Variants in SCN11A observed in about 807,000 individuals in gnomAD.
SCN11A encodes the protein sodium channel protein type 11 subunit alpha.
In SCN11A, 122 loss-of-function variants were observed where a neutral mutation model predicts 162.2. That is an observed-to-expected ratio of 0.75 (90% CI 0.65 to 0.87). SCN11A has a LOEUF of 0.87. SCN11A is among the 40% of genes least tolerant of loss of function. SCN11A has a pLI of 0.00. For missense variants in SCN11A, 2,015 were observed against 2,181.6 expected (o/e 0.92, Z 1.52); for synonymous variants, 758 against 751.5 (o/e 1.01, Z -0.14).
At chr3:38,939,771 C>T (rs1305949714) in intron 7 of SCN11A, among the ~76,000 whole-genome samples, 19 of 151,966 alleles carry the variant, frequency 1.3e-4, no homozygotes, top group African/African-American at 3.9e-4. Context: ...GGTGTGGTGG[C>T]GCATGCCTGT....
At chr3:39,041,370 G>T (rs1226930740) in intron 1 of SCN11A, among the ~76,000 whole-genome samples, 1 of 152,026 alleles carries the variant, frequency 6.6e-6, no homozygotes, top group Non-Finnish European at 1.5e-5. Flanking sequence ...TTCAAATATA[G>T]TCAACCCAAA....
At chr3:38,883,732 C>A (rs532716417) in intron 21 of SCN11A, among the ~76,000 whole-genome samples, 1 of 152,314 alleles carries the variant, frequency 6.6e-6, no homozygotes, top group East Asian at 1.9e-4. Flanking sequence ...TGGAGTAGAG[C>A]CATGTTGCCC....
intron 2 of SCN11A, among the ~76,000 whole-genome samples, chr3:38,986,639 T>G (rs1230760314): frequency 6.6e-6 from 1 of 151,784 alleles, no homozygotes; most frequent in Non-Finnish European, 1.5e-5. Flanking sequence ...TGTGTGTGTG[T>G]TGTTGTTGTT....
At chr3:38,873,736 T>C (rs1276138070) in intron 23 of SCN11A, among the ~76,000 whole-genome samples, 1 of 152,178 alleles carries the variant, frequency 6.6e-6, no homozygotes, top group Non-Finnish European at 1.5e-5. Flanking sequence ...GTGAGACACA[T>C]AGAAACACCC....
chr3:38,878,030 G>A (rs2065248132), intron 23 of SCN11A, among the ~76,000 whole-genome samples: 1 of 151,706 alleles, frequency 6.6e-6, no homozygotes, highest in South Asian at 2.1e-4. Context: ...GGGGAAATGA[G>A]GGTGTGAGGG....
At chr3:38,937,302 A>G in intron 7 of SCN11A, among the ~76,000 whole-genome samples, 2 of 149,820 alleles carry the variant, frequency 1.3e-5, no homozygotes, top group African/African-American at 4.9e-5. Flanking sequence ...CATTCAGGAC[A>G]TAGGCATGGG....
At chr3:39,046,023 G>T (rs1173658399) in intron 1 of SCN11A, among the ~76,000 whole-genome samples, 1 of 152,198 alleles carries the variant, frequency 6.6e-6, no homozygotes, top group East Asian at 1.9e-4. Flanking sequence ...ACTTTGGGGG[G>T]CCTAAGCAGG....
chr3:39,010,590 G>A lies in SCN11A; in HGVS notation c.-280+21790C>T, dbSNP rs563998780. Among the ~76,000 whole-genome samples the A allele has an allele frequency of 1.2e-4, 18 of 152,202 alleles. No individual in the cohort carries two copies. The East Asian group carries it at 3.5e-3, about 29-fold the overall frequency. On this transcript the variant is annotated intron_variant, in intron 2 of 29. Coordinates refer to ENST00000302328, the MANE Select transcript of SCN11A (RefSeq NM_001349253.2). ...AGATGGGGTTTCACTGTGTTAGCCA[G>A]GATGGTCTTGATCTCCTGACCTCAT...
intron 28 of SCN11A, among the ~76,000 whole-genome samples, chr3:38,858,179 T>C (rs1039225928): frequency 6.6e-6 from 1 of 152,130 alleles, no homozygotes; most frequent in Non-Finnish European, 1.5e-5. Flanking sequence ...CACATCTCAA[T>C]ACTAACGTAG....
intron 7 of SCN11A, among the ~76,000 whole-genome samples, chr3:38,928,012 A>C (rs2066171503): frequency 6.6e-6 from 1 of 152,232 alleles, no homozygotes; most frequent in Non-Finnish European, 1.5e-5. Flanking sequence ...ATTTTCCACA[A>C]GGGTGACAAG....
chr3:38,989,851 C>T (rs753672144), intron 2 of SCN11A, among the ~76,000 whole-genome samples: 14 of 152,036 alleles, frequency 9.2e-5, no homozygotes, highest in Non-Finnish European at 1.8e-4. Context: ...TCCGTTCCCC[C>T]GTCCACCCCA....
At position 38,896,893 on chromosome 3, in the gene SCN11A, T is replaced by C; in HGVS notation, c.2355A>G (p.Ser785=). ...TCAATATGAAGACAATAACACACAA[T>C]GATGATGATGCATTCGCTTCTTGCA... ...ECMQEANASS[S]LCVIVFILIT... is the part of the protein sequence containing the mutation. The change falls in exon 18 of 30, where the codon TCA becomes TCG. Residue 785 remains serine, a synonymous_variant. Coordinates refer to ENST00000302328, the MANE Select transcript of SCN11A (RefSeq NM_001349253.2). 3.1e-6 allele frequency: 5 copies of C among 1,608,930 alleles called. No homozygotes were observed. Among genetic ancestry groups the C allele is most frequent in the Non-Finnish European group, 4.2e-6 (5 of 1,178,218 alleles).
At chr3:38,987,050 CA>C (rs1251412867) in intron 2 of SCN11A, among the ~76,000 whole-genome samples, 1 of 152,170 alleles carries the variant, frequency 6.6e-6, no homozygotes, top group African/African-American at 2.4e-5. Flanking sequence ...GCCTACCACA[CA>C]CACACAAGTG....
intron 7 of SCN11A, among the ~76,000 whole-genome samples, chr3:38,930,731 C>G (rs1402606868): frequency 6.6e-6 from 1 of 152,106 alleles, no homozygotes; most frequent in Non-Finnish European, 1.5e-5. Context: ...GGAGTAAAAC[C>G]ATGCCCACCA....
At chr3:38,895,979 T>C (rs921259614) in intron 18 of SCN11A, among the ~76,000 whole-genome samples, 4 of 152,196 alleles carry the variant, frequency 2.6e-5, no homozygotes, top group Non-Finnish European at 5.9e-5. Context: ...GAAGATCTTG[T>C]GCAGTAAGGC....
chr3:38,872,830 A>G (rs2065151536), intron 23 of SCN11A, among the ~76,000 whole-genome samples: 1 of 152,192 alleles, frequency 6.6e-6, no homozygotes, highest in African/African-American at 2.4e-5. Context: ...AGAGAAAAAA[A>G]TGACAAAGCA....
intron 7 of SCN11A, among the ~76,000 whole-genome samples, chr3:38,934,868 C>T (rs1369627272): frequency 6.6e-6 from 1 of 151,740 alleles, no homozygotes; most frequent in African/African-American, 2.4e-5. Flanking sequence ...CAGCTCTGCA[C>T]CAAGCGGACC....
At chr3:39,006,358 G>A (rs927472886) in intron 2 of SCN11A, among the ~76,000 whole-genome samples, 4 of 152,162 alleles carry the variant, frequency 2.6e-5, no homozygotes, top group African/African-American at 7.2e-5. Context: ...ACCAGCCCAA[G>A]AAGTCCCAAT....
At chr3:39,012,856 T>C (rs1195305538) in intron 2 of SCN11A, among the ~76,000 whole-genome samples, 1 of 152,252 alleles carries the variant, frequency 6.6e-6, no homozygotes, top group Non-Finnish European at 1.5e-5. Context: ...TCATAAATTC[T>C]ACTTAAGATG....
Sources: gnomAD v4.1 joint callset for allele counts (sites outside exome capture counted in the v4.1 genomes callset) on GRCh38, gnomAD v4.1.1 for gene constraint, MANE v1.5 for transcripts, NCBI Gene and HGNC (gene_info 2026-07-23, HGNC 2026-07-21) for gene names.